Variants in RBFOX2 observed in about 807,000 individuals in gnomAD.
RBFOX2 encodes the protein RNA binding protein fox-1 homolog 2.
In RBFOX2, 10 loss-of-function variants were observed where a neutral mutation model predicts 49.1. That is an observed-to-expected ratio of 0.20 (90% CI 0.13 to 0.35). RBFOX2 has a LOEUF of 0.35. Ranked by LOEUF, RBFOX2 falls within the 10% of genes least tolerant of loss-of-function variation. The pLI is 1.00. For missense variants in RBFOX2, 323 were observed against 486.9 expected, an observed-to-expected ratio of 0.66 and a Z score of 3.17; for synonymous variants, 183 against 187.4, an observed-to-expected ratio of 0.98 and a Z score of 0.19.
chr22:35,899,123 ATAAC>A, intron 1 of RBFOX2, among the ~76,000 whole-genome samples: 1 of 12,990 alleles, frequency 7.7e-5, no homozygotes, highest in Non-Finnish European at 1.5e-4. Context: ...TGTCTCAAAA[ATAAC>A]ATAACATAAC....
At chr22:35,931,934 G>T (rs1272803289) in intron 1 of RBFOX2, among the ~76,000 whole-genome samples, 1 of 152,190 alleles carries the variant, frequency 6.6e-6, no homozygotes, top group African/African-American at 2.4e-5. Flanking sequence ...ACAATTTTTT[G>T]AAGGGGACAG....
chr22:36,008,280 C>T (rs944277826), intron 1 of RBFOX2, among the ~76,000 whole-genome samples: 11 of 152,024 alleles, frequency 7.2e-5, no homozygotes, highest in African/African-American at 2.7e-4. Context: ...GTAACTAACC[C>T]CAGCATCTAG....
chr22:35,877,942 A>G (rs946656478), intron 1 of RBFOX2, among the ~76,000 whole-genome samples: 9 of 152,112 alleles, frequency 5.9e-5, no homozygotes, highest in Non-Finnish European at 1.2e-4. Context: ...TGAAGATAAT[A>G]GCAGCGAATA....
chr22:35,885,355 A>G (rs2046426067), intron 1 of RBFOX2, among the ~76,000 whole-genome samples: 1 of 152,232 alleles, frequency 6.6e-6, no homozygotes, highest in Non-Finnish European at 1.5e-5. Flanking sequence ...TACAAGAAGC[A>G]GAATAAATAA....
chr22:35,847,367 G>C (rs1420335829), intron 1 of RBFOX2, among the ~76,000 whole-genome samples: 1 of 152,152 alleles, frequency 6.6e-6, no homozygotes, highest in Non-Finnish European at 1.5e-5. Flanking sequence ...ATTAAAAATA[G>C]ATGTAAAACC....
At chr22:36,018,676 C>T (rs537165071) in intron 1 of RBFOX2, among the ~76,000 whole-genome samples, 2 of 152,204 alleles carry the variant, frequency 1.3e-5, no homozygotes, top group Admixed American at 6.5e-5. Context: ...TGCAGTGGCT[C>T]GATCTCTCCT....
intron 2 of RBFOX2, among the ~76,000 whole-genome samples, chr22:35,793,091 G>T (rs531253597): frequency 2.6e-5 from 4 of 152,320 alleles, no homozygotes; most frequent in African/African-American, 9.6e-5. Context: ...TTCTAATGGG[G>T]CCGGGTGCAA....
At chr22:35,799,726 T>C (rs532528664) in intron 2 of RBFOX2, among the ~76,000 whole-genome samples, 25 of 152,174 alleles carry the variant, frequency 1.6e-4, no homozygotes, top group Non-Finnish European at 2.9e-4. Context: ...GGTGGGAGAA[T>C]TGCTTGAGCC....
At chr22:35,986,602 T>C (rs1336361294) in intron 1 of RBFOX2, among the ~76,000 whole-genome samples, 2 of 152,176 alleles carry the variant, frequency 1.3e-5, no homozygotes, top group Admixed American at 6.5e-5. Flanking sequence ...ACATGCATAT[T>C]TTATTTATGC....
intron 1 of RBFOX2, among the ~76,000 whole-genome samples, chr22:35,955,823 G>C (rs753326058): frequency 6.6e-6 from 1 of 152,176 alleles, no homozygotes; most frequent in Non-Finnish European, 1.5e-5. Flanking sequence ...AGGATGGCTG[G>C]ATTCTCATAC....
intron 2 of RBFOX2, among the ~76,000 whole-genome samples, chr22:35,808,606 G>A (rs780684163): frequency 1.2e-4 from 19 of 152,240 alleles, no homozygotes; most frequent in Non-Finnish European, 2.4e-4. Flanking sequence ...CCAGCACTTT[G>A]GGAGACCATG....
At chr22:35,847,673 T>A (rs2041392747) in intron 1 of RBFOX2, among the ~76,000 whole-genome samples, 1 of 152,118 alleles carries the variant, frequency 6.6e-6, no homozygotes, top group Admixed American at 6.6e-5. Context: ...TTAATCCCAT[T>A]AGCTTTCCTA....
chr22:35,915,706 A>G (rs551140330), intron 1 of RBFOX2, among the ~76,000 whole-genome samples: 54 of 152,340 alleles, frequency 3.5e-4, no homozygotes, highest in African/African-American at 1.2e-3. Flanking sequence ...GTCCTTTTAC[A>G]GTCTCAACCA....
intron 1 of RBFOX2, among the ~76,000 whole-genome samples, chr22:35,967,433 T>C (rs367716219): frequency 1.3e-5 from 2 of 148,218 alleles, no homozygotes; most frequent in East Asian, 2.0e-4. Flanking sequence ...AGGACAATGA[T>C]GTTTTCTTCC....
At chr22:36,027,501 T>C (rs2059485727) in intron 1 of RBFOX2, among the ~76,000 whole-genome samples, 1 of 152,232 alleles carries the variant, frequency 6.6e-6, no homozygotes, top group South Asian at 2.1e-4. Context: ...TCCAGTCTTC[T>C]AATAGCCCTA....
At chr22:35,824,887 T>C (rs778715149) in intron 1 of RBFOX2, among the ~76,000 whole-genome samples, 2 of 152,222 alleles carry the variant, frequency 1.3e-5, no homozygotes, top group South Asian at 4.1e-4. Flanking sequence ...TTATTATCAT[T>C]ATCAATTAAA....
At chr22:35,893,117 G>T (rs1189306591) in intron 1 of RBFOX2, among the ~76,000 whole-genome samples, 1 of 152,348 alleles carries the variant, frequency 6.6e-6, no homozygotes, top group South Asian at 2.1e-4. Flanking sequence ...AAGCCTTCAG[G>T]TGTCATGGCA....
intron 1 of RBFOX2, among the ~76,000 whole-genome samples, chr22:35,861,965 T>C (rs1482350041): frequency 6.6e-6 from 1 of 152,184 alleles, no homozygotes; most frequent in Non-Finnish European, 1.5e-5. Flanking sequence ...ACCACCAGTA[T>C]ATACAGTAAC....
chr22:35,963,267 C>A (rs757051251), upstream of RBFOX2, among the ~76,000 whole-genome samples: 1 of 152,054 alleles, frequency 6.6e-6, no homozygotes. Flanking sequence ...ATGCTAACAA[C>A]TGAAACCCAC....
Sources: allele counts gnomAD v4.1 joint callset (sites outside exome capture counted in the v4.1 genomes callset), GRCh38; gene constraint gnomAD v4.1.1; transcripts MANE v1.5; gene names NCBI Gene and HGNC (gene_info 2026-07-23, HGNC 2026-07-21).